The following UBR4 variants were observed in gnomAD, a reference collection of about 807,000 sequenced individuals.
UBR4 encodes the protein E3 ubiquitin-protein ligase UBR4.
A neutral mutation model predicts 575.6 loss-of-function variants in UBR4; 124 were observed. The ratio of observed to expected loss-of-function variants is 0.22; its 90% CI spans 0.19 to 0.25. The LOEUF (loss-of-function observed/expected upper bound fraction) is 0.25, where lower values mean the gene tolerates loss of function less well. Ranked by LOEUF, UBR4 falls within the 10% of genes least tolerant of loss-of-function variation. The probability of loss-of-function intolerance (pLI) is 1.00; values close to 1 mark genes in which losing one functional copy is unlikely to be tolerated. For synonymous variants in UBR4, 2,455 were observed against 2,473.7 expected, an observed-to-expected ratio of 0.99 and a Z score of 0.22; for missense variants, 4,818 against 6,478.8, an observed-to-expected ratio of 0.74 and a Z score of 8.80.
At chr1:19,179,662 C>T (rs2090668023) in intron 17 of UBR4, among the ~76,000 whole-genome samples, 1 of 152,208 alleles carries the variant, frequency 6.6e-6, no homozygotes, top group African/African-American at 2.4e-5. Context: ...TAGAGATCCG[C>T]AGTATTCGCA....
At chr1:19,143,259 G>GAAGGAAGGAAGAAAGAAAGAAAGA (rs1444831970) in intron 55 of UBR4, among the ~76,000 whole-genome samples, 2 of 91,564 alleles carry the variant, frequency 2.2e-5, no homozygotes, top group African/African-American at 8.2e-5. Flanking sequence ...AGGAAGGAAG[G>GAAGGAAGGAAGAAAGAAAGAAAGA]AAGAAAGAAA....
At chr1:19,142,641 G>A (rs1028918862) in intron 55 of UBR4, among the ~76,000 whole-genome samples, 1 of 152,198 alleles carries the variant, frequency 6.6e-6, no homozygotes, top group Non-Finnish European at 1.5e-5. Context: ...AAACATGGCT[G>A]TCTAAAAGGA....
rs568015091 is a variant in UBR4 at position 19,141,699 on chromosome 1, C to T, written c.8258G>A (p.Arg2753His). 10 of 1,614,224 alleles carry T rather than the reference C, an allele frequency of 6.2e-6. No individual in the cohort carries two copies. The highest frequency in any genetic ancestry group is 4.5e-5 in the East Asian group (2 of 44,884). Residue 2753 changes from arginine to histidine, a missense_variant, in exon 56 of 106, where the codon CGT becomes CAT. Coordinates refer to ENST00000375254, the MANE Select transcript of UBR4 (RefSeq NM_020765.3). ...CTCACTCTGTTCCTGGCTTTCCTGA[C>T]GGATGTGACCACCATTCGGGATCCC... ...SSGIPNGGHI[R>H]QESQEQSEVD...
At position 19,113,679 on chromosome 1, in the gene UBR4, AG is replaced by A; in HGVS notation, c.11457+19del. 1.2e-6 allele frequency: 2 copies of A among 1,613,772 alleles called. No homozygotes were observed. Among genetic ancestry groups the A allele is most frequent in the Non-Finnish European group, 1.7e-6 (2 of 1,179,916 alleles). On this transcript the variant is annotated intron_variant, in intron 77 of 105. Coordinates refer to ENST00000375254, the MANE Select transcript of UBR4 (RefSeq NM_020765.3). ...AACACTTGGACAAAACACACCCAAA[AG>A]CTGCTCCCCGCTCTCTACCTGGATG...
intron 26 of UBR4, among the ~76,000 whole-genome samples, chr1:19,170,553 G>A (rs77482245): frequency 0.022 from 3,411 of 152,258 alleles, 146 homozygotes; most frequent in African/African-American, 0.078. Flanking sequence ...ACTTCTCTAG[G>A]CCTAATTTAT....
intron 78 of UBR4, among the ~76,000 whole-genome samples, 187 bp from the exon 79 acceptor site, chr1:19,111,019 C>T (rs1467913715): frequency 1.3e-5 from 2 of 152,176 alleles, no homozygotes; most frequent in Non-Finnish European, 2.9e-5. Flanking sequence ...TAATAAAGGG[C>T]CCATTACAGC....
At position 19,126,316 on chromosome 1, in the gene UBR4, C is replaced by A. The variant is rs961861348; in HGVS notation, c.9438+130G>T. ...TTATTCAATCACGCCGAGATTAACC[C>A]CCACCAAGGAATGCCGGCTCCTTCC... is the stretch of plus-strand genomic sequence containing the variant. On this transcript the variant is annotated intron_variant, in intron 64 of 105. Transcript: ENST00000375254. 9.5e-6 allele frequency: 10 copies of A among 1,052,992 alleles called. No homozygotes were observed. In the African/African-American group the frequency reaches 1.4e-4, roughly 15 times the overall value. 65.2% of individuals were successfully genotyped at this position (1,052,992 alleles called of 1,614,324 possible).
chr1:19,081,366 A>G lies in UBR4; in HGVS notation c.15216T>C (p.Ala5072=), dbSNP rs1158697613. ...GTACTGACCTGGTGGCTCCACCTGG[A>G]GCCACTGCCCGAGCCTGCGAGGTCA... The part of the protein sequence containing the change: ...LLVTSQARAV[A]PGGATRLTDK... Residue 5072 remains alanine (A), a synonymous_variant, in exon 103 of 106, where the codon GCT becomes GCC. Coordinates refer to ENST00000375254, the MANE Select transcript of UBR4 (RefSeq NM_020765.3). 2 of 1,603,796 alleles carry G rather than the reference A, an allele frequency of 1.2e-6. No individual in the cohort carries two copies. Among genetic ancestry groups the G allele is most frequent in the Non-Finnish European group, 1.7e-6 (2 of 1,175,228 alleles).
intron 9 of UBR4, 91 bp downstream of exon 9, chr1:19,193,342 G>A: frequency 6.5e-7 from 1 of 1,532,808 alleles, no homozygotes; most frequent in Non-Finnish European, 8.8e-7. Flanking sequence ...AATACTCTAA[G>A]TTCTTTCTTC....
At chr1:19,116,965 C>A (rs1179897460) in intron 73 of UBR4, among the ~76,000 whole-genome samples, 2 of 151,982 alleles carry the variant, frequency 1.3e-5, no homozygotes, top group African/African-American at 4.8e-5. Flanking sequence ...CCTCACTCAG[C>A]TTCCCCTCCC....
intron 105 of UBR4, 31 bp downstream of exon 105, chr1:19,076,709 G>C (rs373595786): frequency 1.9e-6 from 3 of 1,613,864 alleles, no homozygotes; most frequent in Non-Finnish European, 2.5e-6. Context: ...TGCTGCGGAG[G>C]ATCTTTAAAA....
At chr1:19,146,224 T>G (rs891417565) in intron 52 of UBR4, 2 of 740,004 alleles carry the variant, frequency 2.7e-6, no homozygotes, top group South Asian at 1.8e-5. Flanking sequence ...TTCTAAAACG[T>G]AGAGGAACAT....
chr1:19,091,649 A>T (rs572008011), intron 97 of UBR4, among the ~76,000 whole-genome samples: 5 of 152,370 alleles, frequency 3.3e-5, no homozygotes, highest in African/African-American at 1.2e-4. Context: ...TCAAACTAAA[A>T]ATAGTCACCA....
Position 19,177,522 on chromosome 1 carries a change from A to C in UBR4, c.2576T>G (p.Leu859Arg). ...RFVPLILARL[L>R]LIFDYLLHQY... ...ATGAAGCAGATAATCAAAGATGAGA[A>C]GGAGGCGAGCCAAGATAAGCGGCAC... The change falls in exon 19 of 106, where the codon CTT becomes CGT. Residue 859 changes from leucine (L) to arginine (R), a missense_variant. Coordinates refer to ENST00000375254, the MANE Select transcript of UBR4 (RefSeq NM_020765.3). The C allele has an allele frequency of 6.2e-7, 1 of 1,614,146 alleles. No homozygotes were observed. Among genetic ancestry groups the C allele is most frequent in the East Asian group, 2.2e-5 (1 of 44,874 alleles).
In UBR4 at chr1:19,110,278, T is replaced by G; in HGVS notation, c.11978-55A>C. On this transcript the variant is annotated intron_variant, in intron 80 of 105. Transcript: ENST00000375254. This position sits in a 1 kb window ranked among gnomAD's most constrained non-coding sequence, Gnocchi z 4.5. The stretch of plus-strand genomic sequence containing the variant: ...AATCAGGAACACTACACATCTGCTC[T>G]GCAGAGGCCGCCCAAGCATCAGTTT... 1 of 1,613,546 alleles carries G rather than the reference T, an allele frequency of 6.2e-7. No individual in the cohort carries two copies. Among genetic ancestry groups the G allele is most frequent in the Non-Finnish European group, 8.5e-7 (1 of 1,179,522 alleles).
At chr1:19,165,070 G>T in intron 31 of UBR4, 73 bp from the exon 32 acceptor site, 1 of 1,577,240 alleles carries the variant, frequency 6.3e-7, no homozygotes, top group Non-Finnish European at 8.7e-7. Flanking sequence ...AAACTGTTGA[G>T]CCAGGAAAAG....
chr1:19,203,589 A>G (rs930058159), intron 1 of UBR4, among the ~76,000 whole-genome samples: 3 of 152,218 alleles, frequency 2.0e-5, no homozygotes, highest in African/African-American at 7.2e-5. Context: ...TGCCTGCCAA[A>G]TGAACACAGG....
intron 11 of UBR4, 104 bp from the exon 12 acceptor site, chr1:19,187,644 G>C: frequency 9.5e-7 from 1 of 1,052,852 alleles, no homozygotes; most frequent in Non-Finnish European, 1.4e-6. Context: ...ACCCCTTTCA[G>C]ACTCTGTGGA....
intron 60 of UBR4, among the ~76,000 whole-genome samples, chr1:19,131,266 AAAAT>A (rs2082414118): frequency 6.7e-6 from 1 of 148,646 alleles, no homozygotes; most frequent in Non-Finnish European, 1.5e-5. Flanking sequence ...AAAAAAAAAA[AAAAT>A]AAACACAGCA....
Sources: allele counts gnomAD v4.1 joint callset (sites outside exome capture counted in the v4.1 genomes callset), GRCh38; gene constraint gnomAD v4.1.1; non-coding constraint Gnocchi (gnomAD v3.1); transcripts MANE v1.5; gene names NCBI Gene and HGNC (gene_info 2026-07-23, HGNC 2026-07-21).